MNAT1: variants seen among roughly 807,000 people sequenced by gnomAD.
The protein encoded by MNAT1 is CDK-activating kinase assembly factor MAT1.
In MNAT1, 43 loss-of-function variants were observed where a neutral mutation model predicts 42.0. That is an observed-to-expected ratio of 1.02 (90% CI 0.80 to 1.32). MNAT1 has a LOEUF of 1.32. Among genes scored for constraint, MNAT1 ranks in the 40% most tolerant of loss-of-function variants. The pLI, the probability that MNAT1 is intolerant of heterozygous loss-of-function variation, is 0.00. For synonymous variants in MNAT1, 118 were observed against 120.0 expected, an observed-to-expected ratio of 0.98 and a Z score of 0.11; for missense variants, 306 against 350.4, an observed-to-expected ratio of 0.87 and a Z score of 1.01.
chr14:60,929,170 A>AATATATATATATATATATATATATAT (rs57354716), intron 7 of MNAT1, among the ~76,000 whole-genome samples: 1 of 47,460 alleles, frequency 2.1e-5, no homozygotes, highest in African/African-American at 1.2e-4. Flanking sequence ...AAAAAAAAAA[A>AATATATATATATATATATATATATAT]ATATATATAT....
chr14:60,776,944 C>T (rs980401206), intron 1 of MNAT1, among the ~76,000 whole-genome samples: 4 of 150,522 alleles, frequency 2.7e-5, no homozygotes, highest in African/African-American at 9.7e-5. Context: ...ACTTCCCGGG[C>T]TCAGGTGTTT....
intron 3 of MNAT1, among the ~76,000 whole-genome samples, chr14:60,805,720 C>T (rs2032348051): frequency 6.6e-6 from 1 of 152,132 alleles, no homozygotes; most frequent in African/African-American, 2.4e-5. Flanking sequence ...TCCTCTGTGT[C>T]TTGGCTTTAT....
In MNAT1 at chr14:60,837,749, A is replaced by G. The variant is rs963332838; in HGVS notation, c.687+18902A>G. Among the ~76,000 whole-genome samples the G allele has an allele frequency of 2.6e-5, 4 of 152,192 alleles. No homozygotes were observed. The East Asian group carries it at 5.8e-4, about 22-fold the overall frequency. On this transcript the variant is annotated intron_variant, in intron 6 of 7. Transcript: ENST00000261245. ...AGTTTGGAGCCTCCACTGAGTCCCT[A>G]CTTTGCTGTCTGTTTCCTTTTGGTC...
At chr14:60,838,384 C>T (rs1161326847) in intron 6 of MNAT1, among the ~76,000 whole-genome samples, 1 of 152,116 alleles carries the variant, frequency 6.6e-6, no homozygotes, top group East Asian at 1.9e-4. Context: ...GCAATCTTCC[C>T]ACCTGGCAAA....
chr14:60,911,790 A>G (rs1357467428), intron 7 of MNAT1, among the ~76,000 whole-genome samples: 1 of 152,060 alleles, frequency 6.6e-6, no homozygotes, highest in African/African-American at 2.4e-5. Flanking sequence ...AAAAGAATGT[A>G]TATTCTGGTG....
At chr14:60,951,177 G>T (rs938911972) in intron 7 of MNAT1, among the ~76,000 whole-genome samples, 2 of 150,628 alleles carry the variant, frequency 1.3e-5, no homozygotes, top group African/African-American at 4.9e-5. Flanking sequence ...AATATTATTT[G>T]CAAACATCAA....
At chr14:60,884,908 T>C (rs2034628786) in intron 7 of MNAT1, among the ~76,000 whole-genome samples, 2 of 152,066 alleles carry the variant, frequency 1.3e-5, no homozygotes, top group Admixed American at 6.6e-5. Flanking sequence ...CTTCAGCTTT[T>C]GTTTGTCCGG....
At chr14:60,900,832 C>T (rs907343435) in intron 7 of MNAT1, among the ~76,000 whole-genome samples, 2 of 151,082 alleles carry the variant, frequency 1.3e-5, no homozygotes, top group African/African-American at 4.9e-5. Context: ...GGCAACATGG[C>T]AAAAAATACA....
chr14:60,743,575 C>T (rs1299057909), intron 1 of MNAT1, among the ~76,000 whole-genome samples: 1 of 152,244 alleles, frequency 6.6e-6, no homozygotes, highest in South Asian at 2.1e-4. Context: ...AGGCGTGAGC[C>T]ACTGCGCCCA....
At chr14:60,818,681 C>G in intron 5 of MNAT1, 41 bp from the exon 6 acceptor site, 1 of 1,494,462 alleles carries the variant, frequency 6.7e-7, no homozygotes, top group Non-Finnish European at 9.0e-7. Flanking sequence ...TTTTAGTTTT[C>G]CCTTTTTACA....
intron 7 of MNAT1, among the ~76,000 whole-genome samples, chr14:60,951,943 T>C (rs1048397457): frequency 1.3e-5 from 2 of 152,180 alleles, no homozygotes; most frequent in Non-Finnish European, 2.9e-5. Context: ...CAGGCTTGGG[T>C]AGTCTCATTC....
chr14:60,839,464 C>T (rs1566788927), intron 6 of MNAT1, among the ~76,000 whole-genome samples: 1 of 152,168 alleles, frequency 6.6e-6, no homozygotes, highest in Non-Finnish European at 1.5e-5. Flanking sequence ...TTCCAGTTGT[C>T]CACATACCTC....
chr14:60,944,543 AT>A (rs2036236249), intron 7 of MNAT1, among the ~76,000 whole-genome samples: 1 of 152,212 alleles, frequency 6.6e-6, no homozygotes, highest in Admixed American at 6.5e-5. Context: ...AGTGTGTGGT[AT>A]TTTGTTATAG....
At chr14:60,808,714 T>C (rs1385575967) in intron 4 of MNAT1, 1 of 176,142 alleles carries the variant, frequency 5.7e-6, no homozygotes, top group African/African-American at 2.4e-5. Context: ...TATAATCTTC[T>C]GGTAAGTGAG....
chr14:60,793,273 C>G (rs2031888718), intron 1 of MNAT1, among the ~76,000 whole-genome samples: 1 of 152,030 alleles, frequency 6.6e-6, no homozygotes, highest in African/African-American at 2.4e-5. Flanking sequence ...AACTCCTGGG[C>G]CCAAGTGACC....
At chr14:60,779,258 G>A (rs1421533015) in intron 1 of MNAT1, among the ~76,000 whole-genome samples, 1 of 152,148 alleles carries the variant, frequency 6.6e-6, no homozygotes, top group South Asian at 2.1e-4. Flanking sequence ...TACAAATACA[G>A]TAGCCATTGC....
rs867963736 is a variant in MNAT1 at position 60,799,415 on chromosome 14, T to C, written c.316+1255T>C. ...AGGTATGTAGAAATCTGGCTCTATA[T>C]AGATACTAAGTATAGGACAAGCTGT... On this transcript the variant is annotated intron_variant, in intron 3 of 7. Transcript: ENST00000261245. 1.9e-4 allele frequency: 185 copies of C among 984,654 alleles called. No individual in the cohort carries two copies. In the Middle Eastern group the frequency reaches 6.3e-3, roughly 33 times the overall value. The allele number at this position is 984,654 out of a possible 1,614,324, so 61.0% of individuals were successfully genotyped here. A position where few individuals can be genotyped will look rare whatever the true frequency, so the allele number is the denominator to read the frequency against.
chr14:60,924,400 A>AT (rs2035724044), intron 7 of MNAT1, among the ~76,000 whole-genome samples: 1 of 151,748 alleles, frequency 6.6e-6, no homozygotes, highest in South Asian at 2.1e-4. Context: ...AAAAAAAAAA[A>AT]AACTGTACTC....
chr14:60,823,596 C>T (rs1294193226), intron 6 of MNAT1, among the ~76,000 whole-genome samples: 1 of 152,008 alleles, frequency 6.6e-6, no homozygotes, highest in South Asian at 2.1e-4. Flanking sequence ...TGGTGGCTCA[C>T]GCCTATAATC....
Sources: allele counts gnomAD v4.1 joint callset (sites outside exome capture counted in the v4.1 genomes callset), GRCh38; gene constraint gnomAD v4.1.1; transcripts MANE v1.5; gene names NCBI Gene and HGNC (gene_info 2026-07-23, HGNC 2026-07-21).